The following DPP6 variants were observed in gnomAD, a reference collection of about 807,000 sequenced individuals.
The protein encoded by DPP6 is dipeptidyl peptidase like 6.
In DPP6, 69 loss-of-function variants were observed where a neutral mutation model predicts 122.6. The ratio of observed to expected loss-of-function variants is 0.56; its 90% CI spans 0.46 to 0.69. The LOEUF is 0.69. DPP6 is among the 30% of genes least tolerant of loss of function. DPP6 has a pLI of 0.00. For missense variants in DPP6, 928 were observed against 1,116.9 expected (o/e 0.83, Z 2.41); for synonymous variants, 418 against 433.1 (o/e 0.97, Z 0.43).
Position 154,755,148 on chromosome 7 carries a change from T to TAA in DPP6, c.884-14254_884-14253dup, listed in dbSNP as rs71803736. Among the ~76,000 whole-genome samples the TAA allele has an allele frequency of 0.063, 8,297 of 131,508 alleles. 812 individuals carry two copies. Among genetic ancestry groups the TAA allele is most frequent in the African/African-American group, 0.2 (7,435 of 36,572 alleles). 86.3% of individuals were successfully genotyped at this position (131,508 alleles called of 152,430 possible). ...TCCCAGAACTTAAAGTAAAATAAATTAAAAAAAAAAAAAAAAGAAACTGAA... is the reference window on the plus strand; with the variant it reads ...TCCCAGAACTTAAAGTAAAATAAATTAAAAAAAAAAAAAAAAAAGAAACTGAA... On this transcript the variant is annotated intron_variant, in intron 8 of 25. Transcript: ENST00000377770. The surrounding 1 kb of genome is among the most constrained non-coding windows in gnomAD (Gnocchi z 4.7).
intron 8 of DPP6, among the ~76,000 whole-genome samples, chr7:154,749,818 T>C (rs548192306): frequency 2.3e-4 from 27 of 115,482 alleles, no homozygotes; most frequent in African/African-American, 9.5e-4. Context: ...ATGGAGGCTT[T>C]ACTGTGAGAG....
chr7:154,017,712 A>T (rs1798490705), intron 1 of DPP6, among the ~76,000 whole-genome samples: 2 of 120,614 alleles, frequency 1.7e-5, no homozygotes, highest in African/African-American at 8.0e-5. Flanking sequence ...AAAAAATAAA[A>T]AAAAAATAAA....
At chr7:154,870,768 G>T (rs1210052321) in intron 18 of DPP6, among the ~76,000 whole-genome samples, 1 of 152,070 alleles carries the variant, frequency 6.6e-6, no homozygotes, top group African/African-American at 2.4e-5. Flanking sequence ...TTCAAGACCA[G>T]CCTGGCCAAC....
At chr7:153,794,192 G>T in the DPP6 span, among the ~76,000 whole-genome samples, 2 of 152,200 alleles carry the variant, frequency 1.3e-5, no homozygotes, top group Non-Finnish European at 2.9e-5. Flanking sequence ...CCAACAGCTT[G>T]CACCGTTCAC....
chr7:154,336,852 G>A (rs537422029), intron 1 of DPP6, among the ~76,000 whole-genome samples: 108 of 152,170 alleles, frequency 7.1e-4, no homozygotes, highest in African/African-American at 2.4e-3. Context: ...AGGATCCCCC[G>A]TGGAGCCTAC....
In DPP6 at chr7:154,836,869, G is replaced by A. The variant is rs111887574; in HGVS notation, c.1667-16911G>A. Among the ~76,000 whole-genome samples the A allele has an allele frequency of 3.1e-3, 478 of 152,216 alleles. 1 individual carries two copies. Among genetic ancestry groups the A allele is most frequent in the African/African-American group, 0.011 (451 of 41,522 alleles). Reference sequence around the variant, plus strand: ...TTACAGGTGCCTGCCACCACGCCCAGCTAATTTTTGTATTTTTAGTAGAGA... The same window carrying A: ...TTACAGGTGCCTGCCACCACGCCCAACTAATTTTTGTATTTTTAGTAGAGA... On this transcript the variant is annotated intron_variant, in intron 16 of 25. Coordinates refer to ENST00000377770, the MANE Select transcript of DPP6 (RefSeq NM_130797.4).
At chr7:153,884,040 T>C (rs2128989970), upstream of DPP6, among the ~76,000 whole-genome samples, 1 of 152,318 alleles carries the variant, frequency 6.6e-6, no homozygotes, top group South Asian at 2.1e-4. Context: ...CTTTAAGTTC[T>C]AGGGTACATG....
intron 5 of DPP6, among the ~76,000 whole-genome samples, chr7:154,574,555 GGTATGT>G (rs1831365178): frequency 7.3e-6 from 1 of 137,074 alleles, no homozygotes; most frequent in Non-Finnish European, 1.6e-5. Flanking sequence ...GTGTGTGTGT[GGTATGT>G]GTATAAGTGT....
At chr7:153,787,486 C>A in the DPP6 span, among the ~76,000 whole-genome samples, 1 of 136,224 alleles carries the variant, frequency 7.3e-6, no homozygotes, top group Non-Finnish European at 1.6e-5. Context: ...AGAGTCCCAG[C>A]ACAGTGGCTT....
chr7:154,268,909 C>G (rs1803607399), intron 1 of DPP6, among the ~76,000 whole-genome samples: 1 of 124,824 alleles, frequency 8.0e-6, no homozygotes, highest in African/African-American at 2.8e-5. Flanking sequence ...ATTGTTTTAA[C>G]ACAAGATCCT....
intron 1 of DPP6, among the ~76,000 whole-genome samples, chr7:154,362,409 T>A (rs1218184516): frequency 6.6e-6 from 1 of 151,662 alleles, no homozygotes; most frequent in East Asian, 1.9e-4. Flanking sequence ...AGCAATAGAG[T>A]TTTTTGTTTG....
At chr7:153,995,955 C>T (rs186637766) in intron 1 of DPP6, among the ~76,000 whole-genome samples, 135 of 152,308 alleles carry the variant, frequency 8.9e-4, no homozygotes, top group East Asian at 6.2e-3. Context: ...TATAAGGAAG[C>T]GTTGACAAAA....
chr7:154,773,390 C>G (rs1257329125), intron 10 of DPP6, among the ~76,000 whole-genome samples: 1 of 152,212 alleles, frequency 6.6e-6, no homozygotes, highest in Non-Finnish European at 1.5e-5. Context: ...AAGGTCGCAA[C>G]CCTGTGGAAG....
At chr7:153,865,449 T>A in the DPP6 span, among the ~76,000 whole-genome samples, 1 of 152,174 alleles carries the variant, frequency 6.6e-6, no homozygotes, top group African/African-American at 2.4e-5. Context: ...CTAGTTTCTT[T>A]CCCCTTTTTG....
intron 4 of DPP6, among the ~76,000 whole-genome samples, chr7:154,551,656 T>C (rs568454790): frequency 6.6e-6 from 1 of 152,272 alleles, no homozygotes; most frequent in East Asian, 1.9e-4. Context: ...ATCTCAGTAA[T>C]TTCATTCTCA....
Position 154,876,360 on chromosome 7 carries a change from G to T in DPP6, c.2078+260G>T, listed in dbSNP as rs77230928. On this transcript the variant is annotated intron_variant, in intron 20 of 25. Transcript: ENST00000377770. ...CTAAAACAAGGGGATAGAAATTGCC[G>T]GTTGGGTTGGCTTGGCTTTTCTGCG... 5.4e-4 allele frequency: 300 copies of T among 559,882 alleles called. 2 individuals are homozygous for T. In the East Asian group the frequency reaches 0.011, roughly 21 times the overall value. The allele number at this position is 559,882 out of a possible 1,614,324, so 34.7% of individuals were successfully genotyped here.
intron 1 of DPP6, among the ~76,000 whole-genome samples, chr7:154,009,931 A>G (rs1251235621): frequency 1.3e-5 from 2 of 152,196 alleles, no homozygotes; most frequent in Non-Finnish European, 2.9e-5. Context: ...TGTATCTTAC[A>G]TAGGGAAATT....
chr7:154,375,334 GC>G (rs1325238148), intron 1 of DPP6, among the ~76,000 whole-genome samples: 1 of 152,048 alleles, frequency 6.6e-6, no homozygotes, highest in Non-Finnish European at 1.5e-5. Context: ...GGGGATGTTG[GC>G]CCGGGTGGAG....
At chr7:154,689,511 A>G (rs34799562) in intron 7 of DPP6, among the ~76,000 whole-genome samples, 8,115 of 152,216 alleles carry the variant, frequency 0.053, 295 homozygotes, top group African/African-American at 0.1. Flanking sequence ...TGACTAGGAT[A>G]GATGTGATTG....
Sources: allele counts gnomAD v4.1 joint callset (sites outside exome capture counted in the v4.1 genomes callset), GRCh38; gene constraint gnomAD v4.1.1; non-coding constraint Gnocchi (gnomAD v3.1); transcripts MANE v1.5; gene names NCBI Gene and HGNC (gene_info 2026-07-23, HGNC 2026-07-21).